Variants in SFRP1 observed in about 807,000 individuals in gnomAD.
SFRP1 encodes the protein secreted frizzled-related protein 1.
In SFRP1, 9 loss-of-function variants were observed where a neutral mutation model predicts 25.9. The ratio of observed to expected loss-of-function variants is 0.35; its 90% CI spans 0.21 to 0.61. SFRP1 has a LOEUF of 0.61. SFRP1 is among the 20% of genes least tolerant of loss of function. The pLI, the probability that SFRP1 is intolerant of heterozygous loss-of-function variation, is 0.78. For synonymous variants in SFRP1, 178 were observed against 174.0 expected, an observed-to-expected ratio of 1.02 and a Z score of -0.18; for missense variants, 346 against 418.2, an observed-to-expected ratio of 0.83 and a Z score of 1.51.
At chr8:41,288,936 T>G (rs768364807) in intron 2 of SFRP1, among the ~76,000 whole-genome samples, 4 of 152,180 alleles carry the variant, frequency 2.6e-5, no homozygotes, top group African/African-American at 7.2e-5. Context: ...AAGATGGCGC[T>G]GGGGCCAGGA....
intron 2 of SFRP1, among the ~76,000 whole-genome samples, chr8:41,268,098 AGCGCCCTC>A (rs1415204649): frequency 1.3e-5 from 2 of 152,230 alleles, no homozygotes; most frequent in Non-Finnish European, 2.9e-5. Context: ...TGACAAGGCG[AGCGCCCTC>A]TTGTCTGCAG....
chr8:41,303,450 C>T lies in SFRP1; in HGVS notation c.622+11G>A, dbSNP rs763468913. On this transcript the variant is annotated intron_variant, in intron 2 of 2. Transcript: ENST00000220772. The stretch of plus-strand genomic sequence containing the variant: ...CAAACCTTCCAGAGGCAGCTAGAAA[C>T]GCTTTCTTACCAAACTCGCTGGCAC... The T allele has an allele frequency of 5.0e-5, 81 of 1,610,830 alleles. 1 individual carries two copies. The highest frequency in any genetic ancestry group is 6.0e-5 in the Non-Finnish European group (71 of 1,177,354).
At chr8:41,287,834 G>A (rs1373068366) in intron 2 of SFRP1, among the ~76,000 whole-genome samples, 2 of 152,200 alleles carry the variant, frequency 1.3e-5, no homozygotes, top group African/African-American at 2.4e-5. Flanking sequence ...GGGACCACAA[G>A]GGATGCTGAC....
In SFRP1 at chr8:41,307,016, C is replaced by T. The variant is rs1052406835; in HGVS notation, c.544+1600G>A. On this transcript the variant is annotated intron_variant, in intron 1 of 2. Transcript: ENST00000220772. Reference sequence around the variant, plus strand: ...GCAGACGGTCCCAGAAAGAGACCATCGGAAGCCATTGGGAATGGACTCCAG... The same window carrying T: ...GCAGACGGTCCCAGAAAGAGACCATTGGAAGCCATTGGGAATGGACTCCAG... 62 of 1,443,964 alleles carry T rather than the reference C, an allele frequency of 4.3e-5. No individual in the cohort carries two copies. The Middle Eastern group carries it at 2.8e-3, about 64-fold the overall frequency. 89.4% of individuals were successfully genotyped at this position (1,443,964 alleles called of 1,614,324 possible). A position where few individuals can be genotyped will look rare whatever the true frequency, so the allele number is the denominator to read the frequency against.
chr8:41,264,673 G>A lies in SFRP1; in HGVS notation c.*494C>T, dbSNP rs1442527869. ...GACCTTAATTGTAAGTGTGGTATGA[G>A]TCTGTTTCCATTTAAAGCAGACAGA... On this transcript the variant is annotated 3_prime_UTR_variant, in exon 3 of 3. Transcript: ENST00000220772. 1 of 158,726 alleles carries A rather than the reference G, an allele frequency of 6.3e-6. No homozygotes were observed. Among genetic ancestry groups the A allele is most frequent in the African/African-American group, 2.4e-5 (1 of 41,638 alleles). 9.8% of individuals were successfully genotyped at this position (158,726 alleles called of 1,614,324 possible). A position where few individuals can be genotyped will look rare whatever the true frequency, so the allele number is the denominator to read the frequency against.
chr8:41,308,516 G>C (rs2117525825), intron 1 of SFRP1, 100 bp downstream of exon 1: 3 of 965,898 alleles, frequency 3.1e-6, no homozygotes, highest in African/African-American at 1.6e-5. Context: ...CCAGCACCGG[G>C]ACCCAGCGGC....
intron 2 of SFRP1, among the ~76,000 whole-genome samples, chr8:41,302,166 C>T (rs1803929369): frequency 6.6e-6 from 1 of 152,204 alleles, no homozygotes; most frequent in Non-Finnish European, 1.5e-5. Context: ...TGAGTTAATG[C>T]AGAAACAGAC....
chr8:41,306,220 C>T (rs762663963), intron 1 of SFRP1, among the ~76,000 whole-genome samples: 5 of 152,228 alleles, frequency 3.3e-5, no homozygotes, highest in Non-Finnish European at 5.9e-5. Context: ...CTTAATAACA[C>T]ATGACCACAG....
chr8:41,287,672 TG>T (rs1201169578), intron 2 of SFRP1, among the ~76,000 whole-genome samples: 1 of 152,246 alleles, frequency 6.6e-6, no homozygotes, highest in Non-Finnish European at 1.5e-5. Context: ...TAGATTCGTG[TG>T]TATTATAATA....
intron 2 of SFRP1, among the ~76,000 whole-genome samples, chr8:41,274,231 CCTGT>C (rs1477283361): frequency 2.0e-5 from 3 of 152,160 alleles, no homozygotes; most frequent in Admixed American, 1.3e-4. Context: ...TCTGAAGAAC[CCTGT>C]CTAACAAAAA....
In SFRP1 at chr8:41,263,274, C is replaced by T. The variant is rs1803396049; in HGVS notation, c.*1893G>A. ...TATTTCTAATTAGCTAATATATATA[C>T]ACATTTTTTAATCATCCAAAATTAC... On this transcript the variant is annotated 3_prime_UTR_variant, in exon 3 of 3. Transcript: ENST00000220772. 6.6e-6 allele frequency: 1 copy of T among 152,622 alleles called. No individual in the cohort carries two copies. The allele number at this position is 152,622 out of a possible 1,614,324, so 9.5% of individuals were successfully genotyped here.
chr8:41,279,599 C>T (rs1283685532), intron 2 of SFRP1, among the ~76,000 whole-genome samples: 1 of 152,098 alleles, frequency 6.6e-6, no homozygotes, highest in Non-Finnish European at 1.5e-5. Flanking sequence ...GAACAGGAGG[C>T]CTCTGTCTTG....
At chr8:41,291,515 AC>A in intron 2 of SFRP1, among the ~76,000 whole-genome samples, 2 of 152,244 alleles carry the variant, frequency 1.3e-5, no homozygotes, top group Middle Eastern at 6.8e-3. Context: ...TCCATGGAGG[AC>A]AGCACAGGGT....
At chr8:41,285,824 G>A (rs1044087720) in intron 2 of SFRP1, among the ~76,000 whole-genome samples, 7 of 152,216 alleles carry the variant, frequency 4.6e-5, no homozygotes, top group East Asian at 1.9e-4. Flanking sequence ...AGGCTCCACC[G>A]GATGGGATGG....
intron 2 of SFRP1, among the ~76,000 whole-genome samples, chr8:41,296,211 A>G (rs540526683): frequency 1.5e-4 from 23 of 152,356 alleles, no homozygotes; most frequent in African/African-American, 5.1e-4. Flanking sequence ...AATATGTATT[A>G]TATGTGTCTG....
At position 41,264,310 on chromosome 8, in the gene SFRP1, A is replaced by T. The variant is rs948597243; in HGVS notation, c.*857T>A. 2 of 152,080 alleles carry T rather than the reference A, an allele frequency of 1.3e-5. No individual in the cohort carries two copies. Among genetic ancestry groups the T allele is most frequent in the Non-Finnish European group, 2.9e-5 (2 of 68,014 alleles). 9.4% of individuals were successfully genotyped at this position (152,080 alleles called of 1,614,324 possible). A position where few individuals can be genotyped will look rare whatever the true frequency, so the allele number is the denominator to read the frequency against. On this transcript the variant is annotated 3_prime_UTR_variant, in exon 3 of 3. Coordinates refer to ENST00000220772, the MANE Select transcript of SFRP1 (RefSeq NM_003012.5). ...TAGCAATTTGCTGGACTGTTCTAAA[A>T]TTTTTTTCATTTGTTTCTTTTTTAA...
At chr8:41,303,346 T>A in intron 2 of SFRP1, 115 bp downstream of exon 2, 1 of 766,720 alleles carries the variant, frequency 1.3e-6, no homozygotes, top group Non-Finnish European at 2.3e-6. Context: ...TGGAGAGGAA[T>A]GAGGTAGAGA....
chr8:41,291,826 G>C (rs931992096), intron 2 of SFRP1, among the ~76,000 whole-genome samples: 2 of 152,142 alleles, frequency 1.3e-5, no homozygotes, highest in Non-Finnish European at 2.9e-5. Context: ...ACACCATGAG[G>C]AGCAGCACAA....
rs77043079 is a variant in SFRP1 at position 41,287,958 on chromosome 8, A to G, written c.622+15503T>C. Among the ~76,000 whole-genome samples, 1,431 of 152,280 alleles carry G rather than the reference A, an allele frequency of 9.4e-3. 19 individuals are homozygous for G. The highest frequency in any genetic ancestry group is 0.032 in the African/African-American group (1,335 of 41,550). ...AAGTTAGAGGAGAACTGCACTTTGTATGCTGGACATGGCAGCTCATGCCTA... is the reference window on the plus strand; with the variant it reads ...AAGTTAGAGGAGAACTGCACTTTGTGTGCTGGACATGGCAGCTCATGCCTA... On this transcript the variant is annotated intron_variant, in intron 2 of 2. Transcript: ENST00000220772.
Sources: gnomAD v4.1 joint callset for allele counts (sites outside exome capture counted in the v4.1 genomes callset) on GRCh38, gnomAD v4.1.1 for gene constraint, MANE v1.5 for transcripts, NCBI Gene and HGNC (gene_info 2026-07-23, HGNC 2026-07-21) for gene names.